KMT2B: variants seen among roughly 807,000 people sequenced by gnomAD.
KMT2B encodes the protein lysine methyltransferase 2B, also known as histone-lysine N-methyltransferase 2B.
KMT2B carries 22 observed loss-of-function variants against 255.3 expected under a neutral mutation model. The observed-to-expected ratio is 0.09, with a 90% CI of 0.06 to 0.12. The LOEUF is 0.12. KMT2B is among the 10% of genes least tolerant of loss of function. The pLI, the probability that KMT2B is intolerant of heterozygous loss-of-function variation, is 1.00. For synonymous variants in KMT2B, 1,730 were observed against 1,498.1 expected (o/e 1.15, Z -3.57); for missense variants, 3,149 against 3,737.0 (o/e 0.84, Z 4.10).
chr19:35,719,664 A>G (rs1429211322), intron 2 of KMT2B, 120 bp from the exon 3 acceptor site: 32 of 1,517,294 alleles, frequency 2.1e-5, no homozygotes, highest in Non-Finnish European at 2.8e-5. Context: ...TTCAGAGTCC[A>G]AGCTAGTCTG....
chr19:35,723,558 G>A lies in KMT2B; in HGVS notation c.3058+56G>A. The A allele has an allele frequency of 1.3e-6, 2 of 1,489,184 alleles. No individual in the cohort carries two copies. Among genetic ancestry groups the A allele is most frequent in the Non-Finnish European group, 1.8e-6 (2 of 1,102,126 alleles). 92.2% of individuals were successfully genotyped at this position (1,489,184 alleles called of 1,614,324 possible). ...AAACCGTGTTAGAGTTTGTGCTGTG[G>A]AGGGAGCTGTTTTTCTTTGCTCTCC... On this transcript the variant is annotated intron_variant, in intron 7 of 36. Transcript: ENST00000420124. This position sits in a 1 kb window ranked among gnomAD's most constrained non-coding sequence, Gnocchi z 7.5.
rs540366889 is a variant in KMT2B, at chr19:35,730,823, C to T, written c.5393C>T (p.Ala1798Val). 26 of 1,613,158 alleles carry T rather than the reference C, an allele frequency of 1.6e-5. No homozygotes were observed. The African/African-American group carries it at 3.3e-4, about 21-fold the overall frequency. The change falls in exon 26 of 37, where the codon GCA (alanine) becomes GTA (valine). Residue 1798 changes from alanine (A) to valine (V), a missense_variant. Physicochemically the swap from Ala to Val is moderately conservative, Grantham distance 64. Around this residue, in one of 18 missense-constraint regions of KMT2B, gnomAD observed 34 missense variants for 51.6 expected, o/e 0.66. Transcript: ENST00000420124. ...PREEPAHLEAAEENQTIVHSP... is the reference protein window; with the variant it reads ...PREEPAHLEAVEENQTIVHSP... ...GAAGAGCCAGCTCACCTGGAGGCTGCAGAGGAGAACCAGACCATTGTGCAC... is the reference window on the plus strand; with the variant it reads ...GAAGAGCCAGCTCACCTGGAGGCTGTAGAGGAGAACCAGACCATTGTGCAC...
At chr19:35,719,327 G>T in intron 1 of KMT2B, 142 bp from the exon 2 acceptor site, 1 of 650,212 alleles carries the variant, frequency 1.5e-6, no homozygotes, top group South Asian at 2.0e-5. Flanking sequence ...CACTACCCGC[G>T]ACCTTTGAGT....
intron 21 of KMT2B, 41 bp downstream of exon 21, chr19:35,729,117 T>A: frequency 1.9e-6 from 3 of 1,613,926 alleles, no homozygotes; most frequent in Non-Finnish European, 2.5e-6. Flanking sequence ...TGGGGCCTGT[T>A]CCCTGGCCTC....
chr19:35,738,691 G>A lies in KMT2B; in HGVS notation c.*134G>A. 1 of 1,039,858 alleles carries A rather than the reference G, an allele frequency of 9.6e-7. No homozygotes were observed. The highest frequency in any genetic ancestry group is 2.7e-5 in the Admixed American group (1 of 36,752). The allele number at this position is 1,039,858 out of a possible 1,614,324, so 64.4% of individuals were successfully genotyped here. ...TCATGTTCAGGGTGGATGTGGGCAT[G>A]CAGGTGACAAGGGCCCTGCCTCCAC... On this transcript the variant is annotated 3_prime_UTR_variant, in exon 37 of 37. Coordinates refer to ENST00000420124, the MANE Select transcript of KMT2B (RefSeq NM_014727.3). The surrounding 1 kb of genome is among the most constrained non-coding windows in gnomAD (Gnocchi z 8.7).
chr19:35,730,775 A>C lies in KMT2B; in HGVS notation c.5345A>C (p.Glu1782Ala). 1 of 1,613,826 alleles carries C rather than the reference A, an allele frequency of 6.2e-7. No individual in the cohort carries two copies. ...TGCTGGTATCGGTGCCGAATTCTGG[A>C]GTATCGGCCATGGGGGCCGAGGGAA... ...RRCWYRCRIL[E>A]YRPWGPREEP... Residue 1782 changes from glutamate to alanine, a missense_variant, in exon 26 of 37, where the codon GAG becomes GCG. Glu to Ala is a moderately radical substitution (Grantham distance 107, BLOSUM62 -1). Coordinates refer to ENST00000420124, the MANE Select transcript of KMT2B (RefSeq NM_014727.3).
chr19:35,724,127 G>A, intron 8 of KMT2B, 120 bp downstream of exon 8: 1 of 1,000,068 alleles, frequency 1.0e-6, no homozygotes, highest in Non-Finnish European at 1.4e-6. Context: ...GTGGCTGAGG[G>A]CGGAGGAGGA....
Position 35,724,915 on chromosome 19 carries a change from G to C in KMT2B, c.3430-74G>C, listed in dbSNP as rs989993507. 98 of 1,172,940 alleles carry C rather than the reference G, an allele frequency of 8.4e-5. 1 individual carries two copies. The highest frequency in any genetic ancestry group is 1.5e-4 in the Admixed American group (8 of 54,822). The allele number at this position is 1,172,940 out of a possible 1,614,324, so 72.7% of individuals were successfully genotyped here. On this transcript the variant is annotated intron_variant, in intron 9 of 36. Coordinates refer to ENST00000420124, the MANE Select transcript of KMT2B (RefSeq NM_014727.3). ...AGGGTCTGGGTCCAGTAGGCTGGGGGAAAGGCGGTGAGGAGAGGAGTCTGC... is the reference window on the plus strand; with the variant it reads ...AGGGTCTGGGTCCAGTAGGCTGGGGCAAAGGCGGTGAGGAGAGGAGTCTGC...
Position 35,727,708 on chromosome 19 carries a change from A to C in KMT2B, c.4313A>C (p.Asp1438Ala), listed in dbSNP as rs751257293. 4 of 1,613,720 alleles carry C rather than the reference A, an allele frequency of 2.5e-6. No individual in the cohort carries two copies. The highest frequency in any genetic ancestry group is 1.6e-4 in the Middle Eastern group (1 of 6,062). ...TTCCCCGCTTTGCAGTGTGGGCCAG[A>C]TGGGAAGCAACTGCACCCAGGACCC... ...PLLLCTQCGP[D>A]GKQLHPGPCG... Residue 1438 changes from aspartate to alanine, a missense_variant, in exon 17 of 37, where the codon GAT (aspartate) becomes GCT (alanine). Around this residue, in one of 18 missense-constraint regions of KMT2B, gnomAD observed 377 missense variants for 471.0 expected, o/e 0.80. Coordinates refer to ENST00000420124, the MANE Select transcript of KMT2B (RefSeq NM_014727.3). The surrounding 1 kb of genome is among the most constrained non-coding windows in gnomAD (Gnocchi z 4.2).
At chr19:35,734,192 A>G (rs1969833342) in intron 30 of KMT2B, among the ~76,000 whole-genome samples, 1 of 152,070 alleles carries the variant, frequency 6.6e-6, no homozygotes, top group Admixed American at 6.5e-5. Flanking sequence ...GTGAAGTTCT[A>G]GGATCATCTA....
In KMT2B at chr19:35,730,477, C is replaced by T. The variant is rs1969648742; in HGVS notation, c.5197+15C>T. 3 of 1,614,050 alleles carry T rather than the reference C, an allele frequency of 1.9e-6. No individual in the cohort carries two copies. The highest frequency in any genetic ancestry group is 1.1e-5 in the South Asian group (1 of 91,090). On this transcript the variant is annotated intron_variant, in intron 24 of 36. Coordinates refer to ENST00000420124, the MANE Select transcript of KMT2B (RefSeq NM_014727.3). ...CGTGCTCATTGGTAAGCTGCCTGCTCTCCGCCCTGTCCTCCTACCCTGTCC... is the reference window on the plus strand; with the variant it reads ...CGTGCTCATTGGTAAGCTGCCTGCTTTCCGCCCTGTCCTCCTACCCTGTCC...
rs767078867 is a variant in KMT2B, at chr19:35,733,316, C to T, written c.6767C>T (p.Pro2256Leu). The change falls in exon 28 of 37, where the codon CCA (proline) becomes CTA (leucine). Residue 2256 changes from proline (P) to leucine (L), a missense_variant. By Grantham distance (98) the Pro-to-Leu change is moderately conservative. This residue lies in a region of KMT2B where 897 missense variants were observed against 825.3 expected (regional missense o/e 1.09). Coordinates refer to ENST00000420124, the MANE Select transcript of KMT2B (RefSeq NM_014727.3). This position sits in a 1 kb window ranked among gnomAD's most constrained non-coding sequence, Gnocchi z 4.3. ...VGVVRPAPPP[P>L]PPPLTLVLSS... is the part of the protein sequence containing the mutation. ...GTGGTCCGCCCTGCCCCGCCCCCGC[C>T]ACCCCCTCCCCTGACGCTGGTGCTG... 9 of 1,480,462 alleles carry T rather than the reference C, an allele frequency of 6.1e-6. No homozygotes were observed. Among genetic ancestry groups the T allele is most frequent in the Non-Finnish European group, 8.3e-6 (9 of 1,088,152 alleles). The allele number at this position is 1,480,462 out of a possible 1,614,324, so 91.7% of individuals were successfully genotyped here.
Position 35,732,540 on chromosome 19 carries a change from G to C in KMT2B, c.5991G>C (p.Leu1997=). 6.2e-7 allele frequency: 1 copy of C among 1,613,890 alleles called. No individual in the cohort carries two copies. The highest frequency in any genetic ancestry group is 8.5e-7 in the Non-Finnish European group (1 of 1,179,878). ...CTGACCTGGACTTCGCGGCCAGCCT[G>C]CTGGGGACTGAGCCCTTCCAGGAAG... ...SAADLDFAAS[L]LGTEPFQEEI... The change falls in exon 28 of 37, where the codon CTG becomes CTC. Residue 1997 remains leucine (L), a synonymous_variant. Transcript: ENST00000420124.
chr19:35,724,908 G>C (rs1969373416), intron 9 of KMT2B, 81 bp from the exon 10 acceptor site: 1 of 1,095,646 alleles, frequency 9.1e-7, no homozygotes, highest in South Asian at 1.4e-5. Context: ...GGTCCAGTAG[G>C]CTGGGGGAAA....
Position 35,731,943 on chromosome 19 carries a change from G to T in KMT2B, c.5473G>T (p.Asp1825Tyr), listed in dbSNP as rs771341051. ...TGGTGAGGACCCCCCACTGGACACA[G>T]ATGTTCTTGTCCCTGGAGCTCCTGA... ...PGGEDPPLDT[D>Y]VLVPGAPERH... is the part of the protein sequence containing the mutation. The change falls in exon 27 of 37, where the codon GAT becomes TAT. Residue 1825 changes from aspartate to tyrosine, a missense_variant. Around this residue, in one of 18 missense-constraint regions of KMT2B, gnomAD observed 897 missense variants for 825.3 expected, o/e 1.09. Coordinates refer to ENST00000420124, the MANE Select transcript of KMT2B (RefSeq NM_014727.3). The T allele has an allele frequency of 2.5e-6, 4 of 1,613,796 alleles. No homozygotes were observed. The East Asian group carries it at 8.9e-5, about 36-fold the overall frequency.
chr19:35,723,611 C>T lies in KMT2B; in HGVS notation c.3058+109C>T, dbSNP rs996358930. The T allele has an allele frequency of 1.5e-6, 2 of 1,299,680 alleles. No homozygotes were observed. The highest frequency in any genetic ancestry group is 2.1e-6 in the Non-Finnish European group (2 of 949,580). The allele number at this position is 1,299,680 out of a possible 1,614,324, so 80.5% of individuals were successfully genotyped here. On this transcript the variant is annotated intron_variant, in intron 7 of 36. Transcript: ENST00000420124. This position sits in a 1 kb window ranked among gnomAD's most constrained non-coding sequence, Gnocchi z 7.5. The stretch of plus-strand genomic sequence containing the variant: ...CCTTGCAGCTCACCCTCTCCATCTT[C>T]TCCGTTGTGTGCTTTCATAGCTCCT...
rs949868315 is a variant in KMT2B, at chr19:35,732,461, A to G, written c.5912A>G (p.Glu1971Gly). 10 of 1,613,536 alleles carry G rather than the reference A, an allele frequency of 6.2e-6. No homozygotes were observed. The Admixed American group carries it at 1.3e-4, about 22-fold the overall frequency. ...CCGGCCCCATCTCCACCACCCCCTGAAGACCTGGGCCCAGACTTCGAGGAC... is the reference window on the plus strand; with the variant it reads ...CCGGCCCCATCTCCACCACCCCCTGGAGACCTGGGCCCAGACTTCGAGGAC... ...PGPAPSPPPP[E>G]DLGPDFEDME... Residue 1971 changes from glutamate (E) to glycine (G), a missense_variant, in exon 28 of 37, where the codon GAA becomes GGA. Coordinates refer to ENST00000420124, the MANE Select transcript of KMT2B (RefSeq NM_014727.3).
chr19:35,731,109 C>T lies in KMT2B; in HGVS notation c.5437+242C>T, dbSNP rs77011290. 0.072 allele frequency among the ~76,000 whole-genome samples: 11,010 copies of T among 152,204 alleles called. 581 individuals are homozygous for T. Among genetic ancestry groups the T allele is most frequent in the African/African-American group, 0.15 (6,279 of 41,492 alleles). ...TTGAGGTGGGGTACTGGCTTTTGGA[C>T]GACTGCAGGGAGTAGAGTGCTTACA... On this transcript the variant is annotated intron_variant, in intron 26 of 36. Transcript: ENST00000420124.
chr19:35,727,940 C>T lies in KMT2B; in HGVS notation c.4452C>T (p.Thr1484=), dbSNP rs2146456754. The change falls in exon 18 of 37, where the codon ACC becomes ACT. Residue 1484 remains threonine (T), a synonymous_variant. Coordinates refer to ENST00000420124, the MANE Select transcript of KMT2B (RefSeq NM_014727.3). This position sits in a 1 kb window ranked among gnomAD's most constrained non-coding sequence, Gnocchi z 4.2. ...TGCGGCACTCGGAGGAGGGAGAGAC[C>T]CCGGACCGCCGGGCTGGAGGCCAGA... The part of the protein sequence containing the change: ...ILMRHSEEGE[T]PDRRAGGQMK... The T allele has an allele frequency of 6.3e-7, 1 of 1,592,620 alleles. No individual in the cohort carries two copies. The highest frequency in any genetic ancestry group is 8.6e-7 in the Non-Finnish European group (1 of 1,167,772).
Sources: allele counts gnomAD v4.1 joint callset (sites outside exome capture counted in the v4.1 genomes callset), GRCh38; gene constraint gnomAD v4.1.1; regional missense constraint gnomAD v4.1.1; non-coding constraint Gnocchi (gnomAD v3.1); transcripts MANE v1.5; gene names NCBI Gene and HGNC (gene_info 2026-07-23, HGNC 2026-07-21).